The following PTPRM variants were observed in gnomAD, a reference collection of about 807,000 sequenced individuals.
PTPRM encodes receptor-type tyrosine-protein phosphatase mu.
PTPRM carries 47 observed loss-of-function variants against 186.7 expected under a neutral mutation model. The observed-to-expected ratio is 0.25, with a 90% CI of 0.20 to 0.32. PTPRM has a LOEUF of 0.32. Ranked by LOEUF, PTPRM falls within the 10% of genes least tolerant of loss-of-function variation. The probability of loss-of-function intolerance (pLI) is 1.00; values close to 1 mark genes in which losing one functional copy is unlikely to be tolerated. For missense variants in PTPRM, 1,494 were observed against 1,865.0 expected, an observed-to-expected ratio of 0.80 and a Z score of 3.66; for synonymous variants, 668 against 674.9, an observed-to-expected ratio of 0.99 and a Z score of 0.16.
intron 1 of PTPRM, among the ~76,000 whole-genome samples, chr18:7,669,966 A>G (rs1598339806): frequency 6.6e-6 from 1 of 151,576 alleles, no homozygotes; most frequent in East Asian, 1.9e-4. Flanking sequence ...CTGGTCTTGA[A>G]CTCCTGACCT....
At chr18:7,681,339 A>G (rs2039475574) in intron 1 of PTPRM, among the ~76,000 whole-genome samples, 1 of 152,174 alleles carries the variant, frequency 6.6e-6, no homozygotes, top group African/African-American at 2.4e-5. Context: ...TAGCTTGCCA[A>G]GATCAAGCAT....
intron 1 of PTPRM, among the ~76,000 whole-genome samples, chr18:7,638,366 C>A (rs1187362906): frequency 6.6e-6 from 1 of 152,128 alleles, no homozygotes; most frequent in African/African-American, 2.4e-5. Context: ...TATTCTAGGG[C>A]TCAAGGTTTT....
intron 14 of PTPRM, among the ~76,000 whole-genome samples, chr18:8,172,486 G>A (rs1238901875): frequency 6.6e-6 from 1 of 151,834 alleles, no homozygotes; most frequent in Admixed American, 6.6e-5. Flanking sequence ...GAATCATCCG[G>A]GTACTTACAA....
At chr18:8,000,205 G>C (rs2083785900) in intron 7 of PTPRM, among the ~76,000 whole-genome samples, 1 of 152,176 alleles carries the variant, frequency 6.6e-6, no homozygotes, top group Admixed American at 6.5e-5. Flanking sequence ...TGTCTAGGCT[G>C]CCTCTCACCT....
intron 1 of PTPRM, among the ~76,000 whole-genome samples, chr18:7,759,445 C>T (rs1312444811): frequency 6.6e-6 from 1 of 152,194 alleles, no homozygotes; most frequent in African/African-American, 2.4e-5. Context: ...AAAAAAGCTT[C>T]CTGAGAAACA....
At chr18:8,380,196 AG>A in intron 28 of PTPRM, 99 bp from the exon 29 acceptor site, 1 of 1,294,346 alleles carries the variant, frequency 7.7e-7, no homozygotes, top group Admixed American at 1.9e-5. Context: ...AAACATGTTC[AG>A]TGTTTTGTGC....
At chr18:8,003,073 A>G (rs1371655573) in intron 7 of PTPRM, among the ~76,000 whole-genome samples, 4 of 152,196 alleles carry the variant, frequency 2.6e-5, no homozygotes. Context: ...GCCATGGCTG[A>G]GAAAAAGTGT....
intron 23 of PTPRM, among the ~76,000 whole-genome samples, chr18:8,355,165 G>T (rs1418744972): frequency 6.6e-6 from 1 of 152,194 alleles, no homozygotes; most frequent in African/African-American, 2.4e-5. Flanking sequence ...CCTGTACACA[G>T]GGAGGGGGCA....
chr18:7,944,435 C>A (rs895021297), intron 5 of PTPRM, among the ~76,000 whole-genome samples: 1 of 152,184 alleles, frequency 6.6e-6, no homozygotes, highest in African/African-American at 2.4e-5. Context: ...CTCCTCCAGT[C>A]CATTACTGTA....
chr18:7,712,656 A>G (rs1478451739), intron 1 of PTPRM, among the ~76,000 whole-genome samples: 2 of 152,070 alleles, frequency 1.3e-5, no homozygotes, highest in Non-Finnish European at 2.9e-5. Context: ...TGGAATAACC[A>G]GTTTAGAGAA....
At chr18:7,661,710 A>G (rs1377083152) in intron 1 of PTPRM, among the ~76,000 whole-genome samples, 2 of 152,216 alleles carry the variant, frequency 1.3e-5, no homozygotes, top group Admixed American at 1.3e-4. Context: ...GCCACATGCA[A>G]AATGATTTGC....
intron 2 of PTPRM, among the ~76,000 whole-genome samples, chr18:7,826,134 C>T (rs1340982337): frequency 6.6e-6 from 1 of 152,184 alleles, no homozygotes; most frequent in Non-Finnish European, 1.5e-5. Context: ...GAGTGAGGCT[C>T]TGTTAGGTGG....
At chr18:8,333,854 C>T (rs874536) in intron 22 of PTPRM, among the ~76,000 whole-genome samples, 39,745 of 151,998 alleles carry the variant, frequency 0.26, 5,281 homozygotes, top group East Asian at 0.32. Context: ...TGTGTACCCC[C>T]ACCCACCACA....
intron 32 of PTPRM, 78 bp downstream of exon 32, chr18:8,394,689 G>A: frequency 7.1e-7 from 1 of 1,407,042 alleles, no homozygotes. Context: ...GATTTGCAGG[G>A]AAACTGATGC....
chr18:8,120,843 G>A (rs2092145006), intron 13 of PTPRM, among the ~76,000 whole-genome samples: 1 of 152,114 alleles, frequency 6.6e-6, no homozygotes, highest in South Asian at 2.1e-4. Flanking sequence ...AAGGAGAACA[G>A]GTCAGACTCT....
Position 7,985,334 on chromosome 18 carries a change from T to A in PTPRM, c.1132+29920T>A, listed in dbSNP as rs539798482. ...ATACACATAAATATATACATATAAT[T>A]GTATATACACATAAATATATACATA... On this transcript the variant is annotated intron_variant, in intron 7 of 32. Coordinates refer to ENST00000580170, the MANE Select transcript of PTPRM (RefSeq NM_001105244.2). 2.2e-4 allele frequency among the ~76,000 whole-genome samples: 28 copies of A among 125,476 alleles called. 2 individuals carry two copies. Among genetic ancestry groups the A allele is most frequent in the South Asian group, 7.8e-4 (3 of 3,844 alleles). The allele number at this position is 125,476 out of a possible 152,430, so 82.3% of individuals were successfully genotyped here.
At chr18:7,959,813 T>A (rs567141532) in intron 7 of PTPRM, among the ~76,000 whole-genome samples, 1 of 152,312 alleles carries the variant, frequency 6.6e-6, no homozygotes, top group South Asian at 2.1e-4. Context: ...TCAATATGGG[T>A]TATTGTAAAA....
At chr18:7,888,576 T>C (rs1444450265) in intron 3 of PTPRM, among the ~76,000 whole-genome samples, 199 bp downstream of exon 3, 1 of 152,202 alleles carries the variant, frequency 6.6e-6, no homozygotes, top group Non-Finnish European at 1.5e-5. Flanking sequence ...TGGATACTTC[T>C]CAAAGAACTG....
chr18:8,074,949 C>G (rs1224942096), intron 8 of PTPRM, among the ~76,000 whole-genome samples: 3 of 152,026 alleles, frequency 2.0e-5, no homozygotes, highest in African/African-American at 7.2e-5. Flanking sequence ...GGTGTCATGC[C>G]TAAGAAATTG....
Sources: allele counts gnomAD v4.1 joint callset (sites outside exome capture counted in the v4.1 genomes callset), GRCh38; gene constraint gnomAD v4.1.1; transcripts MANE v1.5; gene names NCBI Gene and HGNC (gene_info 2026-07-23, HGNC 2026-07-21).